Variants in PARD3B observed in about 807,000 individuals in gnomAD.
PARD3B encodes par-3 family cell polarity regulator beta, also known as partitioning defective 3 homolog B.
PARD3B carries 103 observed loss-of-function variants against 130.2 expected under a neutral mutation model. The observed-to-expected ratio is 0.79, with a 90% CI of 0.67 to 0.93. PARD3B has a LOEUF of 0.93. Ranked by LOEUF, PARD3B falls within the 40% of genes least tolerant of loss-of-function variation. The probability of loss-of-function intolerance (pLI) is 0.00; values close to 1 mark genes in which losing one functional copy is unlikely to be tolerated. For synonymous variants in PARD3B, 583 were observed against 553.2 expected, an observed-to-expected ratio of 1.05 and a Z score of -0.76; for missense variants, 1,609 against 1,499.2, an observed-to-expected ratio of 1.07 and a Z score of -1.21.
chr2:204,868,818 T>A (rs1000947722), intron 2 of PARD3B, among the ~76,000 whole-genome samples: 1 of 152,178 alleles, frequency 6.6e-6, no homozygotes, highest in Admixed American at 6.6e-5. Flanking sequence ...CTAGTTAAGT[T>A]GAGACGATCT....
intron 18 of PARD3B, among the ~76,000 whole-genome samples, chr2:205,310,994 T>G (rs1286526195): frequency 6.6e-6 from 1 of 152,164 alleles, no homozygotes; most frequent in Non-Finnish European, 1.5e-5. Context: ...AGTGCTGGGA[T>G]TACAAGCTTG....
At chr2:205,117,915 G>GTGCACACACACACACACACACA (rs2030042475) in intron 6 of PARD3B, among the ~76,000 whole-genome samples, 1 of 133,500 alleles carries the variant, frequency 7.5e-6, no homozygotes, top group Non-Finnish European at 1.6e-5. Context: ...ATGTATGTGT[G>GTGCACACACACACACACACACA]TACACACACA....
chr2:204,674,320 G>A (rs1327600851), intron 1 of PARD3B, among the ~76,000 whole-genome samples: 1 of 152,160 alleles, frequency 6.6e-6, no homozygotes, highest in Non-Finnish European at 1.5e-5. Flanking sequence ...AGCTCTTCCT[G>A]CTTTCTTCTC....
chr2:205,572,337 G>C lies in PARD3B; in HGVS notation c.3260+18934G>C, dbSNP rs1056024292. On this transcript the variant is annotated intron_variant, in intron 22 of 22. Transcript: ENST00000406610. This position sits in a 1 kb window ranked among gnomAD's most constrained non-coding sequence, Gnocchi z 4.2. ...GTGTAGCACTTTATACAACACGCTA[G>C]GGACTTTGACTCTACCCAGAAGGCC... is the stretch of plus-strand genomic sequence containing the variant. Among the ~76,000 whole-genome samples the C allele has an allele frequency of 6.6e-6, 1 of 152,212 alleles. No homozygotes were observed. The highest frequency in any genetic ancestry group is 2.4e-5 in the African/African-American group (1 of 41,452).
intron 18 of PARD3B, among the ~76,000 whole-genome samples, chr2:205,379,743 G>C (rs1414872373): frequency 6.6e-6 from 1 of 151,928 alleles, no homozygotes; most frequent in African/African-American, 2.4e-5. Flanking sequence ...ATTACAGTGA[G>C]AGCTCTTATT....
chr2:204,961,815 C>T (rs188509196), intron 2 of PARD3B, among the ~76,000 whole-genome samples: 17 of 152,198 alleles, frequency 1.1e-4, no homozygotes, highest in African/African-American at 3.1e-4. Context: ...GCCAGAGAAG[C>T]ACCTTTGGAT....
At position 204,664,644 on chromosome 2, in the gene PARD3B, A is replaced by C. The variant is rs770805626; in HGVS notation, c.121-21537A>C. On this transcript the variant is annotated intron_variant, in intron 1 of 22. Coordinates refer to ENST00000406610, the MANE Select transcript of PARD3B (RefSeq NM_001302769.2). The surrounding 1 kb of genome is among the most constrained non-coding windows in gnomAD (Gnocchi z 5.2). Reference sequence around the variant, plus strand: ...TTAAGCACATTTTGGCTCTGGTAAAATCTATTCTGAAGAACTTATAGGCAA... The same window carrying C: ...TTAAGCACATTTTGGCTCTGGTAAACTCTATTCTGAAGAACTTATAGGCAA... Among the ~76,000 whole-genome samples, 1 of 152,182 alleles carries C rather than the reference A, an allele frequency of 6.6e-6. No individual in the cohort carries two copies.
In PARD3B at chr2:205,122,181, G is replaced by A. The variant is rs575308870; in HGVS notation, c.1165+232G>A. On this transcript the variant is annotated intron_variant, in intron 8 of 22. Coordinates refer to ENST00000406610, the MANE Select transcript of PARD3B (RefSeq NM_001302769.2). The surrounding 1 kb of genome is among the most constrained non-coding windows in gnomAD (Gnocchi z 4.3). ...GAAAATAATAAAGACATGTTGGGAA[G>A]TGGAAAGAATCATTGCAAACCTGAT... Among the ~76,000 whole-genome samples the A allele has an allele frequency of 5.9e-5, 9 of 152,288 alleles. No homozygotes were observed. Among genetic ancestry groups the A allele is most frequent in the Non-Finnish European group, 8.8e-5 (6 of 68,024 alleles).
intron 4 of PARD3B, among the ~76,000 whole-genome samples, chr2:205,101,378 T>C (rs908590201): frequency 2.0e-5 from 3 of 152,190 alleles, no homozygotes; most frequent in Admixed American, 6.5e-5. Flanking sequence ...AAATTAAAAA[T>C]GAAAATAAGT....
intron 21 of PARD3B, among the ~76,000 whole-genome samples, chr2:205,549,740 ATGAG>A (rs2052535462): frequency 6.6e-6 from 1 of 152,212 alleles, no homozygotes; most frequent in African/African-American, 2.4e-5. Flanking sequence ...AACCCATAGA[ATGAG>A]TAACACCTAG....
intron 20 of PARD3B, among the ~76,000 whole-genome samples, chr2:205,457,813 A>T (rs2048325984): frequency 6.6e-6 from 1 of 152,164 alleles, no homozygotes; most frequent in African/African-American, 2.4e-5. Flanking sequence ...TGAACATTCC[A>T]AATCTGAAAA....
At chr2:205,041,567 T>G (rs553306218) in intron 3 of PARD3B, among the ~76,000 whole-genome samples, 1 of 152,218 alleles carries the variant, frequency 6.6e-6, no homozygotes, top group South Asian at 2.1e-4. Flanking sequence ...TCTCTGTGCG[T>G]GAGGTCCTCT....
rs148301121 is a variant in PARD3B, at chr2:205,182,520, C to T, written c.1925-3244C>T. Among the ~76,000 whole-genome samples, 99 of 151,344 alleles carry T rather than the reference C, an allele frequency of 6.5e-4. 1 individual carries two copies. The highest frequency in any genetic ancestry group is 3.4e-3 in the Middle Eastern group (1 of 292). ...AGAGACTGTAGAAGACATGGAAAAA[C>T]GAGAAAGAGGAACACGAGGAGAAAG... On this transcript the variant is annotated intron_variant, in intron 13 of 22. Transcript: ENST00000406610.
chr2:205,382,521 T>C (rs1374436852), intron 18 of PARD3B, among the ~76,000 whole-genome samples: 3 of 152,090 alleles, frequency 2.0e-5, no homozygotes, highest in African/African-American at 4.8e-5. Context: ...GGGGAAGATA[T>C]TTTGAAACTA....
intron 20 of PARD3B, among the ~76,000 whole-genome samples, chr2:205,441,900 A>G (rs775468259): frequency 5.9e-5 from 9 of 152,216 alleles, no homozygotes; most frequent in Non-Finnish European, 8.8e-5. Context: ...CAAAATGAAA[A>G]TATAAATTTT....
chr2:205,246,427 C>T (rs1334451329), intron 16 of PARD3B, among the ~76,000 whole-genome samples: 1 of 152,056 alleles, frequency 6.6e-6, no homozygotes, highest in Non-Finnish European at 1.5e-5. Context: ...TTTTCATTGC[C>T]AAGTCGACTG....
chr2:204,641,954 A>G (rs1175756857), intron 1 of PARD3B, among the ~76,000 whole-genome samples: 1 of 152,196 alleles, frequency 6.6e-6, no homozygotes, highest in Non-Finnish European at 1.5e-5. Context: ...GCCTTATGTT[A>G]TTCTATTTAG....
intron 2 of PARD3B, among the ~76,000 whole-genome samples, chr2:204,904,224 T>C (rs1256336701): frequency 6.6e-6 from 1 of 152,254 alleles, no homozygotes; most frequent in Non-Finnish European, 1.5e-5. Context: ...TAATCCAGGA[T>C]GGTTTCAGTA....
At chr2:205,218,715 TC>T (rs1337732580) in intron 15 of PARD3B, among the ~76,000 whole-genome samples, 1 of 152,102 alleles carries the variant, frequency 6.6e-6, no homozygotes, top group Non-Finnish European at 1.5e-5. Flanking sequence ...TTTTACCTTT[TC>T]CCTCCCTTTA....
Sources: allele counts gnomAD v4.1 joint callset (sites outside exome capture counted in the v4.1 genomes callset), GRCh38; gene constraint gnomAD v4.1.1; non-coding constraint Gnocchi (gnomAD v3.1); transcripts MANE v1.5; gene names NCBI Gene and HGNC (gene_info 2026-07-23, HGNC 2026-07-21).